PPP1CB: variants seen among roughly 807,000 people sequenced by gnomAD.
PPP1CB encodes serine/threonine-protein phosphatase PP1-beta catalytic subunit.
Under a neutral mutation model 43.7 loss-of-function variants are expected in PPP1CB, and 2 were observed. That is an observed-to-expected ratio of 0.05 (90% CI 0.02 to 0.14). The LOEUF (loss-of-function observed/expected upper bound fraction) is 0.14. Among genes scored for constraint, PPP1CB ranks in the 10% least tolerant of loss-of-function variants. The pLI, the probability that PPP1CB is intolerant of heterozygous loss-of-function variation, is 1.00. For missense variants in PPP1CB, 84 were observed against 398.0 expected (o/e 0.21, Z 6.71); for synonymous variants, 136 against 135.6 (o/e 1.00, Z -0.02).
At chr2:28,796,311 T>G (rs989724309) in intron 7 of PPP1CB, among the ~76,000 whole-genome samples, 6 of 152,224 alleles carry the variant, frequency 3.9e-5, no homozygotes, top group Non-Finnish European at 8.8e-5. Context: ...GAAAAGTTCT[T>G]TTCTAATGCT....
intron 3 of PPP1CB, among the ~76,000 whole-genome samples, chr2:28,780,894 C>T (rs1419832449): frequency 6.7e-6 from 1 of 149,124 alleles, no homozygotes; most frequent in East Asian, 1.9e-4. Flanking sequence ...TGCTATAGTG[C>T]CAAGTTGTAA....
At chr2:28,773,844 C>T (rs1572455029) in intron 1 of PPP1CB, among the ~76,000 whole-genome samples, 1 of 152,198 alleles carries the variant, frequency 6.6e-6, no homozygotes, top group African/African-American at 2.4e-5. Context: ...GCTTCTCTAA[C>T]TGCATTCATC....
At chr2:28,769,462 TA>T (rs1355939263) in intron 1 of PPP1CB, among the ~76,000 whole-genome samples, 1 of 152,196 alleles carries the variant, frequency 6.6e-6, no homozygotes, top group African/African-American at 2.4e-5. Flanking sequence ...TCTAGAATTC[TA>T]AATCTAGAAT....
chr2:28,799,106 G>T, intron 7 of PPP1CB, 93 bp from the exon 8 acceptor site: 1 of 871,694 alleles, frequency 1.1e-6, no homozygotes, highest in Non-Finnish European at 1.8e-6. Flanking sequence ...CATTTTTGCA[G>T]TTTATGCCAT....
chr2:28,777,242 A>G (rs1190959720), intron 2 of PPP1CB: 1 of 199,392 alleles, frequency 5.0e-6, no homozygotes, highest in East Asian at 1.1e-4. Flanking sequence ...AAGGCGATAC[A>G]GTATAAAAAT....
At chr2:28,759,859 TC>T (rs749294860) in intron 1 of PPP1CB, among the ~76,000 whole-genome samples, 83 of 152,266 alleles carry the variant, frequency 5.5e-4, no homozygotes, top group Non-Finnish European at 9.1e-4. Context: ...CCTCAGGTGA[TC>T]CGCCTGCCTC....
intron 1 of PPP1CB, among the ~76,000 whole-genome samples, chr2:28,773,185 G>A (rs1558303055): frequency 6.6e-6 from 1 of 152,128 alleles, no homozygotes; most frequent in Non-Finnish European, 1.5e-5. Context: ...TATACTATAT[G>A]TATGTAATAT....
intron 7 of PPP1CB, among the ~76,000 whole-genome samples, chr2:28,798,563 G>T (rs536038597): frequency 3.3e-5 from 5 of 152,128 alleles, no homozygotes; most frequent in Non-Finnish European, 7.4e-5. Context: ...TTGAAAACCT[G>T]AGTGAAAGAA....
intron 5 of PPP1CB, among the ~76,000 whole-genome samples, chr2:28,786,774 C>CAAAAAAAAAA (rs70956040): frequency 2.1e-5 from 2 of 94,896 alleles, no homozygotes; most frequent in Non-Finnish European, 4.0e-5. Context: ...GACTCCGTCT[C>CAAAAAAAAAA]AAAAAAAAAA....
intron 5 of PPP1CB, among the ~76,000 whole-genome samples, chr2:28,786,393 C>T (rs1452320858): frequency 6.6e-6 from 1 of 152,092 alleles, no homozygotes; most frequent in Non-Finnish European, 1.5e-5. Flanking sequence ...GGATTACAGG[C>T]GTGAGCCACC....
intron 3 of PPP1CB, 38 bp from the exon 4 acceptor site, chr2:28,781,700 T>G: frequency 1.4e-6 from 2 of 1,408,354 alleles, no homozygotes; most frequent in Non-Finnish European, 2.0e-6. Flanking sequence ...GAGAACAGTT[T>G]TAGATTTTTT....
At chr2:28,763,824 C>T (rs541033938) in intron 1 of PPP1CB, among the ~76,000 whole-genome samples, 4 of 152,214 alleles carry the variant, frequency 2.6e-5, no homozygotes, top group Admixed American at 2.6e-4. Context: ...CCTGCCTCAG[C>T]CTCCCGAGTA....
chr2:28,767,594 C>T (rs566857781), intron 1 of PPP1CB, among the ~76,000 whole-genome samples: 2 of 152,174 alleles, frequency 1.3e-5, no homozygotes, highest in Admixed American at 1.3e-4. Context: ...TGTGATGCAC[C>T]GAAAAGCAGT....
In PPP1CB at chr2:28,752,074, G is replaced by C; in HGVS notation, c.-51G>C. On this transcript the variant is annotated 5_prime_UTR_variant, in exon 1 of 8. Coordinates refer to ENST00000395366, the MANE Select transcript of PPP1CB (RefSeq NM_002709.3). ...CCGAGCCGTCGCCGCAGCCTCCGCC[G>C]CCGAGAAGCCCTTGTTCCCGCTGCT... The C allele has an allele frequency of 1.3e-6, 2 of 1,536,740 alleles. No individual in the cohort carries two copies. The highest frequency in any genetic ancestry group is 1.4e-5 in the African/African-American group (1 of 72,642).
At chr2:28,797,718 CT>C (rs747587550) in intron 7 of PPP1CB, among the ~76,000 whole-genome samples, 62 of 152,228 alleles carry the variant, frequency 4.1e-4, no homozygotes, top group Non-Finnish European at 7.5e-4. Flanking sequence ...TTATTTGGAT[CT>C]TTTCTTAATC....
At chr2:28,766,010 T>C (rs1263369940) in intron 1 of PPP1CB, among the ~76,000 whole-genome samples, 1 of 152,236 alleles carries the variant, frequency 6.6e-6, no homozygotes, top group East Asian at 1.9e-4. Context: ...TTTTTTGCCT[T>C]ATAATTTTAG....
intron 1 of PPP1CB, among the ~76,000 whole-genome samples, chr2:28,759,298 T>G (rs1272512935): frequency 6.6e-6 from 1 of 152,086 alleles, no homozygotes; most frequent in Non-Finnish European, 1.5e-5. Flanking sequence ...GGTGGACCAC[T>G]TGAGGTCAGG....
intron 7 of PPP1CB, among the ~76,000 whole-genome samples, chr2:28,798,015 T>A (rs1322798507): frequency 1.3e-5 from 2 of 152,190 alleles, no homozygotes; most frequent in African/African-American, 2.4e-5. Flanking sequence ...AATGGTTGAT[T>A]GCTCATTTAC....
At chr2:28,760,949 G>T (rs1666629291) in intron 1 of PPP1CB, among the ~76,000 whole-genome samples, 1 of 152,158 alleles carries the variant, frequency 6.6e-6, no homozygotes, top group Non-Finnish European at 1.5e-5. Context: ...TGTCCAGGCT[G>T]GAGTGCAGTG....
Sources: gnomAD v4.1 joint callset for allele counts (sites outside exome capture counted in the v4.1 genomes callset) on GRCh38, gnomAD v4.1.1 for gene constraint, MANE v1.5 for transcripts, NCBI Gene and HGNC (gene_info 2026-07-23, HGNC 2026-07-21) for gene names.